Variants in APRT observed in about 807,000 individuals in gnomAD.
APRT encodes the protein adenine phosphoribosyltransferase.
In APRT, 25 loss-of-function variants were observed where a neutral mutation model predicts 21.0. That is an observed-to-expected ratio of 1.19 (90% CI 0.87 to 1.66). The LOEUF (loss-of-function observed/expected upper bound fraction) is 1.66. Among genes scored for constraint, APRT ranks in the 40% most tolerant of loss-of-function variants. The pLI, the probability that APRT is intolerant of heterozygous loss-of-function variation, is 0.00. For synonymous variants in APRT, 153 were observed against 109.0 expected (o/e 1.40, Z -2.52); for missense variants, 294 against 232.7 (o/e 1.26, Z -1.72).
In APRT at chr16:88,810,505, C is replaced by T. The variant is rs1344122610; in HGVS notation, c.239G>A (p.Gly80Glu). The T allele has an allele frequency of 1.2e-6, 2 of 1,612,356 alleles. No homozygotes were observed. The highest frequency in any genetic ancestry group is 2.2e-5 in the East Asian group (1 of 44,866). ...CTTTCGGATGAGCACGCAGCCCAGT[C>T]CAAGCTCCTGGGCCAGGGAGGGGCC... ...LFGPSLAQEL[G>E]LGCVLIRKRG... Residue 80 changes from glycine to glutamate, a missense_variant, in exon 3 of 5, where the codon GGA becomes GAA. Gly to Glu is a moderately conservative substitution (Grantham distance 98). Transcript: ENST00000378364.
intron 3 of APRT, 85 bp downstream of exon 3, chr16:88,810,338 C>T (rs932153375): frequency 2.3e-5 from 36 of 1,577,482 alleles, no homozygotes; most frequent in African/African-American, 1.8e-4. Context: ...CCACTTGACA[C>T]GCCTGGGAAG....
At chr16:88,809,916 G>T (rs1311185562) in intron 4 of APRT, 76 bp from the exon 5 acceptor site, 6 of 1,588,986 alleles carry the variant, frequency 3.8e-6, no homozygotes, top group Non-Finnish European at 5.1e-6. Context: ...CCCTGGGTTG[G>T]GGAGGGGAAG....
In APRT at chr16:88,809,821, ACAGGCAGC is replaced by A; in HGVS notation, c.412_419del (p.Ala138Ter). ...CAGCCTGCAGGCGGCCCAGCAGCTC[ACAGGCAGC>A]GTTCATGGTTCCTGGGGATGGGAGG... On this transcript the variant is annotated frameshift_variant, in exon 5 of 5. Transcript: ENST00000378364. LOFTEE classifies it high-confidence loss of function. 1 of 1,612,160 alleles carries A rather than the reference ACAGGCAGC, an allele frequency of 6.2e-7. No homozygotes were observed. The highest frequency in any genetic ancestry group is 8.5e-7 in the Non-Finnish European group (1 of 1,179,646).
chr16:88,810,377 C>T (rs368691145), intron 3 of APRT, 46 bp downstream of exon 3: 176 of 1,606,228 alleles, frequency 1.1e-4, no homozygotes, highest in African/African-American at 1.5e-4. Context: ...AGAGTGGCCA[C>T]GGTGGCCTGG....
chr16:88,809,950 C>A, intron 4 of APRT, 110 bp from the exon 5 acceptor site: 2 of 1,572,386 alleles, frequency 1.3e-6, no homozygotes, highest in Non-Finnish European at 1.7e-6. Flanking sequence ...AAGGTGTCGG[C>A]CTGGCCACCA....
chr16:88,811,464 C>G, intron 2 of APRT, 86 bp downstream of exon 2: 1 of 1,393,270 alleles, frequency 7.2e-7, no homozygotes, highest in South Asian at 1.2e-5. Flanking sequence ...CAAAGGCCCT[C>G]CCCCAAGCAG....
Position 88,811,530 on chromosome 16 carries a change from T to TG in APRT, c.187+19dup. 6.4e-7 allele frequency: 1 copy of TG among 1,569,602 alleles called. No homozygotes were observed. On this transcript the variant is annotated intron_variant, in intron 2 of 4. Coordinates refer to ENST00000378364, the MANE Select transcript of APRT (RefSeq NM_000485.3). Reference sequence around the variant, plus strand: ...CGCGCAGAGGCGGAAGCGCCCTAGATGCGGCCACTGGGCACTCGCCTGCGA... The same window carrying TG: ...CGCGCAGAGGCGGAAGCGCCCTAGATGGCGGCCACTGGGCACTCGCCTGCGA...
rs565636938 is a variant in APRT at position 88,809,712 on chromosome 16, G to A, written c.529C>T (p.Leu177=). ...AGGCCCTGTGGTCACTCATACTGCAGGAGAGAGAAGAAGGGTACAGGTGCC... is the reference window on the plus strand; with the variant it reads ...AGGCCCTGTGGTCACTCATACTGCAAGAGAGAGAAGAAGGGTACAGGTGCC... The part of the protein sequence containing the change: ...KLAPVPFFSL[L]QYE The change falls in exon 5 of 5, where the codon CTG becomes TTG. Residue 177 remains leucine, a synonymous_variant. Coordinates refer to ENST00000378364, the MANE Select transcript of APRT (RefSeq NM_000485.3). The A allele has an allele frequency of 1.7e-4, 281 of 1,613,414 alleles. 2 individuals carry two copies. In the South Asian group the frequency reaches 2.5e-3, roughly 15 times the overall value.
At chr16:88,810,732 G>C (rs1326154590) in intron 2 of APRT, among the ~76,000 whole-genome samples, 176 bp from the exon 3 acceptor site, 2 of 152,202 alleles carry the variant, frequency 1.3e-5, no homozygotes, top group Non-Finnish European at 2.9e-5. Context: ...GTGCAGACCT[G>C]GGTCTGTCTT....
At position 88,811,402 on chromosome 16, in the gene APRT, C is replaced by T. The variant is rs1255844044; in HGVS notation, c.187+148G>A. The T allele has an allele frequency of 8.1e-6, 7 of 864,112 alleles. No individual in the cohort carries two copies. In the East Asian group the frequency reaches 1.7e-4, roughly 21 times the overall value. 53.5% of individuals were successfully genotyped at this position (864,112 alleles called of 1,614,324 possible). The stretch of plus-strand genomic sequence containing the variant: ...GCCTCGGGGGCTCAATCTCACAACC[C>T]TTCCCGGGCGACCCAAGCACGGCGC... On this transcript the variant is annotated intron_variant, in intron 2 of 4. Transcript: ENST00000378364.
intron 4 of APRT, 112 bp downstream of exon 4, chr16:88,809,958 C>G: frequency 6.4e-7 from 1 of 1,568,806 alleles, no homozygotes; most frequent in Non-Finnish European, 8.7e-7. Flanking sequence ...GGCCTGGCCA[C>G]CAGGCACCCT....
rs145607240 is a variant in APRT at position 88,809,797 on chromosome 16, A to G, written c.444T>C (p.Ala148=). 17 of 1,612,970 alleles carry G rather than the reference A, an allele frequency of 1.1e-5. No homozygotes were observed. In the African/African-American group the frequency reaches 2.1e-4, roughly 20 times the overall value. The change falls in exon 5 of 5, where the codon GCT becomes GCC. Residue 148 remains alanine (A), a synonymous_variant. Transcript: ENST00000378364. ...AACELLGRLQ[A]EVLECVSLVE... ...CCAGGCTCACGCACTCCAGGACCTCAGCCTGCAGGCGGCCCAGCAGCTCAC... is the reference window on the plus strand; with the variant it reads ...CCAGGCTCACGCACTCCAGGACCTCGGCCTGCAGGCGGCCCAGCAGCTCAC...
In APRT at chr16:88,811,831, G is replaced by A. The variant is rs1909159880; in HGVS notation, c.69C>T (p.Gly23=). The A allele has an allele frequency of 1.3e-6, 2 of 1,570,978 alleles. No individual in the cohort carries two copies. Among genetic ancestry groups the A allele is most frequent in the Non-Finnish European group, 1.7e-6 (2 of 1,159,938 alleles). Residue 23 remains glycine (G), a synonymous_variant, in exon 1 of 5, where the codon GGC becomes GGT. Transcript: ENST00000378364. Reference sequence around the variant, plus strand: ...GCCTGTGCGTGCACCTGAATACCACGCCTGGGGTGGGGAAGTCGGGGAAGC... The same window carrying A: ...GCCTGTGCGTGCACCTGAATACCACACCTGGGGTGGGGAAGTCGGGGAAGC... ...IRSFPDFPTP[G]VVFRDISPVL...
Position 88,811,489 on chromosome 16 carries a change from C to A in APRT, c.187+61G>T, listed in dbSNP as rs754232945. Reference sequence around the variant, plus strand: ...CCCCCAAGCAGACGCGCAGAGCCCACGTGCTGCCCTCGGCGCGCGCAGAGG... The same window carrying A: ...CCCCCAAGCAGACGCGCAGAGCCCAAGTGCTGCCCTCGGCGCGCGCAGAGG... On this transcript the variant is annotated intron_variant, in intron 2 of 4. Transcript: ENST00000378364. 43 of 1,480,354 alleles carry A rather than the reference C, an allele frequency of 2.9e-5. No homozygotes were observed. In the East Asian group the frequency reaches 1.1e-3, roughly 36 times the overall value. The allele number at this position is 1,480,354 out of a possible 1,614,324, so 91.7% of individuals were successfully genotyped here. A position where few individuals can be genotyped will look rare whatever the true frequency, so the allele number is the denominator to read the frequency against.
chr16:88,810,452 A>G lies in APRT; in HGVS notation c.292T>C (p.Trp98Arg), dbSNP rs1909079702. Residue 98 changes from tryptophan (W) to arginine (R), a missense_variant, in exon 3 of 5, where the codon TGG becomes CGG. Physicochemically the swap from Trp to Arg is moderately radical, Grantham distance 101 (BLOSUM62 -3). Coordinates refer to ENST00000378364, the MANE Select transcript of APRT (RefSeq NM_000485.3). ...CCGTACTCCAGGGAATAGGAGGCCC[A>G]CAGAGTGGGGCCTGGCAGCTTCCCC... Reference protein sequence around the residue: ...KRGKLPGPTLWASYSLEYGKA... With the variant: ...KRGKLPGPTLRASYSLEYGKA... The G allele has an allele frequency of 6.2e-7, 1 of 1,612,114 alleles. No individual in the cohort carries two copies. The highest frequency in any genetic ancestry group is 8.5e-7 in the Non-Finnish European group (1 of 1,179,864).
In APRT at chr16:88,811,548, G is replaced by T. The variant is rs370457449; in HGVS notation, c.187+2C>A. 5 of 1,589,524 alleles carry T rather than the reference G, an allele frequency of 3.1e-6. No individual in the cohort carries two copies. In the African/African-American group the frequency reaches 5.4e-5, roughly 17 times the overall value. On this transcript the variant is annotated splice_donor_variant, in intron 2 of 4. Transcript: ENST00000378364. LOFTEE classifies it high-confidence loss of function. The stretch of plus-strand genomic sequence containing the variant: ...CCCTAGATGCGGCCACTGGGCACTC[G>T]CCTGCGATGTAGTCGATGCGGCCCC...
Position 88,811,572 on chromosome 16 carries a change from C to G in APRT, c.165G>C (p.Gly55=). 6.2e-7 allele frequency: 1 copy of G among 1,600,760 alleles called. No individual in the cohort carries two copies. Among genetic ancestry groups the G allele is most frequent in the Non-Finnish European group, 8.5e-7 (1 of 1,174,810 alleles). ...CGCCTGCGATGTAGTCGATGCGGCC[C>G]CCGTGGGTCGCCTTCAGGTGTCGCG... ...LLARHLKATH[G]GRIDYIAGLD... is the part of the protein sequence containing the mutation. The change falls in exon 2 of 5, where the codon GGG becomes GGC. Residue 55 remains glycine (G), a synonymous_variant. Coordinates refer to ENST00000378364, the MANE Select transcript of APRT (RefSeq NM_000485.3).
At chr16:88,811,497 C>T (rs897205472) in intron 2 of APRT, 53 bp downstream of exon 2, 1 of 1,508,666 alleles carries the variant, frequency 6.6e-7, no homozygotes. Context: ...CACGTGCTGC[C>T]CTCGGCGCGC....
Position 88,809,494 on chromosome 16 carries a change from CT to C in APRT, c.*203del, listed in dbSNP as rs1909018279. On this transcript the variant is annotated 3_prime_UTR_variant, in exon 5 of 5. Coordinates refer to ENST00000378364, the MANE Select transcript of APRT (RefSeq NM_000485.3). Reference sequence around the variant, plus strand: ...TTGTGGGAAAGCTGTTTACTGCGTTCTCCCGCTGTGTGTAATTGGGTTCAGT... The same window carrying C: ...TTGTGGGAAAGCTGTTTACTGCGTTCCCCGCTGTGTGTAATTGGGTTCAGT... The C allele has an allele frequency of 4.9e-6, 4 of 813,482 alleles. No homozygotes were observed. Among genetic ancestry groups the C allele is most frequent in the Non-Finnish European group, 6.1e-6 (3 of 490,932 alleles). The allele number at this position is 813,482 out of a possible 1,614,324, so 50.4% of individuals were successfully genotyped here.
Sources: gnomAD v4.1 joint callset for allele counts (sites outside exome capture counted in the v4.1 genomes callset) on GRCh38, gnomAD v4.1.1 for gene constraint, MANE v1.5 for transcripts, NCBI Gene and HGNC (gene_info 2026-07-23, HGNC 2026-07-21) for gene names.